VIT: variants seen among roughly 807,000 people sequenced by gnomAD.
The protein encoded by VIT is vitrin.
In VIT, 99 loss-of-function variants were observed where a neutral mutation model predicts 78.0. The observed-to-expected ratio is 1.27, with a 90% CI of 1.08 to 1.50. The LOEUF (loss-of-function observed/expected upper bound fraction) is 1.50, where lower values mean the gene tolerates loss of function less well. Among genes scored for constraint, VIT ranks in the 40% most tolerant of loss-of-function variants. The pLI, the probability that VIT is intolerant of heterozygous loss-of-function variation, is 0.00. For missense variants in VIT, 1,126 were observed against 875.3 expected (o/e 1.29, Z -3.61); for synonymous variants, 374 against 334.3 (o/e 1.12, Z -1.29).
At chr2:36,792,293 T>G (rs1281494443) in intron 12 of VIT, among the ~76,000 whole-genome samples, 9 of 152,130 alleles carry the variant, frequency 5.9e-5, no homozygotes, top group Admixed American at 5.9e-4. Context: ...GACAGGCAGG[T>G]AAGGCCCACA....
Position 36,753,237 on chromosome 2 carries a change from G to C in VIT, c.276-1684G>C, listed in dbSNP as rs148991035. ...GGGGGGTGGGGGAGGGAGAGCATCA[G>C]GAAGAATAACTAATGGATGCTGGGC... On this transcript the variant is annotated intron_variant, in intron 4 of 15. Transcript: ENST00000379242. 4.2e-3 allele frequency among the ~76,000 whole-genome samples: 646 copies of C among 152,202 alleles called. 4 individuals carry two copies. The highest frequency in any genetic ancestry group is 0.015 in the African/African-American group (615 of 41,526).
chr2:36,778,697 T>G (rs973940077), intron 9 of VIT, among the ~76,000 whole-genome samples: 1 of 152,174 alleles, frequency 6.6e-6, no homozygotes, highest in African/African-American at 2.4e-5. Flanking sequence ...GCTACCAGCA[T>G]GGCGACACCC....
At chr2:36,792,237 T>C (rs909394946) in intron 12 of VIT, among the ~76,000 whole-genome samples, 1 of 152,152 alleles carries the variant, frequency 6.6e-6, no homozygotes, top group African/African-American at 2.4e-5. Flanking sequence ...CAGGGCCTAG[T>C]GCCCCTTGCC....
intron 1 of VIT, among the ~76,000 whole-genome samples, chr2:36,709,171 T>C (rs1287356038): frequency 6.6e-6 from 1 of 151,760 alleles, no homozygotes; most frequent in Non-Finnish European, 1.5e-5. Context: ...AATAAAACAA[T>C]ATCGATGTCA....
chr2:36,794,258 A>C (rs1462200232), intron 12 of VIT, among the ~76,000 whole-genome samples: 1 of 152,154 alleles, frequency 6.6e-6, no homozygotes, highest in Non-Finnish European at 1.5e-5. Flanking sequence ...GAACAATCTA[A>C]ATTTTCTCTT....
intron 6 of VIT, among the ~76,000 whole-genome samples, chr2:36,763,255 G>A (rs980891259): frequency 6.6e-6 from 1 of 152,150 alleles, no homozygotes; most frequent in Non-Finnish European, 1.5e-5. Flanking sequence ...TGGTTCTAAC[G>A]ATGAGCCAGG....
At chr2:36,781,936 A>C (rs1006319133) in intron 10 of VIT, among the ~76,000 whole-genome samples, 165 bp downstream of exon 10, 1 of 151,744 alleles carries the variant, frequency 6.6e-6, no homozygotes, top group Non-Finnish European at 1.5e-5. Flanking sequence ...GCACATTGAA[A>C]CTCCCTCCCT....
intron 12 of VIT, among the ~76,000 whole-genome samples, chr2:36,791,534 G>C (rs1321928503): frequency 6.6e-6 from 1 of 152,220 alleles, no homozygotes; most frequent in East Asian, 1.9e-4. Context: ...CCGGATTATA[G>C]GGATGTTGCA....
chr2:36,738,227 T>A (rs563942432), intron 3 of VIT, among the ~76,000 whole-genome samples: 5 of 152,336 alleles, frequency 3.3e-5, no homozygotes, highest in African/African-American at 1.2e-4. Flanking sequence ...AAGCTGCAGT[T>A]TAACTTCTTC....
chr2:36,703,292 C>T (rs1407180738), intron 1 of VIT, among the ~76,000 whole-genome samples: 1 of 152,106 alleles, frequency 6.6e-6, no homozygotes, highest in Non-Finnish European at 1.5e-5. Flanking sequence ...AGGCATTTTC[C>T]CTCCTCTTTC....
At chr2:36,756,119 G>A (rs991645604) in intron 5 of VIT, among the ~76,000 whole-genome samples, 1 of 151,708 alleles carries the variant, frequency 6.6e-6, no homozygotes, top group African/African-American at 2.4e-5. Flanking sequence ...CACCATGCCC[G>A]GCTAATTTTT....
chr2:36,783,344 T>C lies in VIT; in HGVS notation c.852T>C (p.Leu284=), dbSNP rs779287368. The change falls in exon 11 of 16, where the codon CTT becomes CTC. Residue 284 remains leucine (L), a synonymous_variant. Coordinates refer to ENST00000379242, the MANE Select transcript of VIT (RefSeq NM_053276.4). ...KPGSVLLDEG[L]VPKEELSTQS... ...AAGTTTTACTGCTCTTTCCAGGACT[T>C]GTTCCAAAAGAAGAATTGAGCACAC... The C allele has an allele frequency of 1.9e-6, 3 of 1,614,144 alleles. No homozygotes were observed. The highest frequency in any genetic ancestry group is 2.2e-5 in the East Asian group (1 of 44,886).
intron 2 of VIT, among the ~76,000 whole-genome samples, chr2:36,726,943 C>T (rs1277276702): frequency 6.6e-6 from 1 of 150,972 alleles, no homozygotes; most frequent in Non-Finnish European, 1.5e-5. Context: ...AGCTCTATTT[C>T]ATCTTATGTG....
Position 36,774,168 on chromosome 2 carries a change from G to T in VIT, c.736+321G>T, listed in dbSNP as rs1377418354. On this transcript the variant is annotated intron_variant, in intron 8 of 15. Transcript: ENST00000379242. ...TGGGGCTTATTTTTGAGGAACTACG[G>T]TAAAACACGAAGGGAAATTTGTATC... Among the ~76,000 whole-genome samples, 4 of 152,160 alleles carry T rather than the reference G, an allele frequency of 2.6e-5. No homozygotes were observed. The South Asian group carries it at 8.3e-4, about 31-fold the overall frequency.
In VIT at chr2:36,814,672, G is replaced by C. The variant is rs1356825634; in HGVS notation, c.*311G>C. The stretch of plus-strand genomic sequence containing the variant: ...GCAGCCCTTACGACAGGCTTACGTA[G>C]AGCTTTTGTGAGATTTTTAAGTTGT... On this transcript the variant is annotated 3_prime_UTR_variant, in exon 16 of 16. Coordinates refer to ENST00000379242, the MANE Select transcript of VIT (RefSeq NM_053276.4). The C allele has an allele frequency of 4.2e-6, 1 of 237,866 alleles. No individual in the cohort carries two copies. Among genetic ancestry groups the C allele is most frequent in the East Asian group, 8.8e-5 (1 of 11,428 alleles). The allele number at this position is 237,866 out of a possible 1,614,324, so 14.7% of individuals were successfully genotyped here. A position where few individuals can be genotyped will look rare whatever the true frequency, so the allele number is the denominator to read the frequency against.
intron 1 of VIT, 128 bp from the exon 2 acceptor site, chr2:36,716,225 C>G (rs956226039): frequency 1.5e-6 from 1 of 649,240 alleles, no homozygotes; most frequent in South Asian, 2.4e-5. Context: ...TTATGGAAAT[C>G]TATAGCCTGG....
intron 12 of VIT, among the ~76,000 whole-genome samples, chr2:36,791,319 C>T (rs1309385632): frequency 6.6e-6 from 1 of 152,180 alleles, no homozygotes; most frequent in Non-Finnish European, 1.5e-5. Flanking sequence ...AGAGCAGCTT[C>T]CATAGGTCGG....
At position 36,809,110 on chromosome 2, in the gene VIT, A is replaced by G. The variant is rs115438257; in HGVS notation, c.1903+125A>G. 2,866 of 1,333,452 alleles carry G rather than the reference A, an allele frequency of 2.1e-3. 39 individuals are homozygous for G. The African/African-American group carries it at 0.039, about 18-fold the overall frequency. The allele number at this position is 1,333,452 out of a possible 1,614,324, so 82.6% of individuals were successfully genotyped here. ...TTTCTGCGACTTAATAAAAATGTTC[A>G]AAGCCGCAGGGAGGGCATTAGGGGT... is the stretch of plus-strand genomic sequence containing the variant. On this transcript the variant is annotated intron_variant, in intron 15 of 15. Transcript: ENST00000379242.
At chr2:36,726,913 C>G (rs1409603494) in intron 2 of VIT, among the ~76,000 whole-genome samples, 1 of 150,028 alleles carries the variant, frequency 6.7e-6, no homozygotes, top group Non-Finnish European at 1.5e-5. Flanking sequence ...AAGAAGGAGA[C>G]TCATCACGAG....
Sources: gnomAD v4.1 joint callset for allele counts (sites outside exome capture counted in the v4.1 genomes callset) on GRCh38, gnomAD v4.1.1 for gene constraint, MANE v1.5 for transcripts, NCBI Gene and HGNC (gene_info 2026-07-23, HGNC 2026-07-21) for gene names.